MARCHF8: variants seen among roughly 807,000 people sequenced by gnomAD.
MARCHF8 encodes membrane associated ring-CH-type finger 8.
Under a neutral mutation model 51.6 loss-of-function variants are expected in MARCHF8, and 40 were observed. The ratio of observed to expected loss-of-function variants is 0.77; its 90% CI spans 0.60 to 1.01. MARCHF8 has a LOEUF of 1.01. Ranked by LOEUF, MARCHF8 falls within the 50% of genes least tolerant of loss-of-function variation. The pLI is 0.00. For synonymous variants in MARCHF8, 263 were observed against 280.3 expected (o/e 0.94, Z 0.62); for missense variants, 685 against 708.6 (o/e 0.97, Z 0.38).
chr10:45,576,255 A>G (rs2044488130), intron 1 of MARCHF8, among the ~76,000 whole-genome samples: 1 of 152,236 alleles, frequency 6.6e-6, no homozygotes, highest in African/African-American at 2.4e-5. Flanking sequence ...AAGCAATTCA[A>G]TGGGGAATTG....
At chr10:45,467,248 CTCT>C (rs1357441231) in intron 3 of MARCHF8, among the ~76,000 whole-genome samples, 1 of 152,204 alleles carries the variant, frequency 6.6e-6, no homozygotes, top group East Asian at 1.9e-4. Context: ...GAAAGAGTCT[CTCT>C]TCTTATTAGA....
chr10:45,471,955 CA>C (rs2042699417), intron 3 of MARCHF8, among the ~76,000 whole-genome samples: 1 of 152,232 alleles, frequency 6.6e-6, no homozygotes, highest in Non-Finnish European at 1.5e-5. Flanking sequence ...AACCACCGTC[CA>C]CCCACCTGGG....
At chr10:45,565,898 T>A (rs1375134553) in intron 1 of MARCHF8, among the ~76,000 whole-genome samples, 1 of 152,212 alleles carries the variant, frequency 6.6e-6, no homozygotes, top group Admixed American at 6.5e-5. Context: ...CCTCATTTAA[T>A]ATCTATTGTT....
chr10:45,469,615 C>T (rs1843090584), intron 3 of MARCHF8, among the ~76,000 whole-genome samples: 1 of 152,070 alleles, frequency 6.6e-6, no homozygotes, highest in African/African-American at 2.4e-5. Flanking sequence ...CCTGTAATCC[C>T]AGCACTTTGG....
chr10:45,531,302 TA>T (rs2043880826), intron 2 of MARCHF8, among the ~76,000 whole-genome samples: 1 of 152,098 alleles, frequency 6.6e-6, no homozygotes, highest in Non-Finnish European at 1.5e-5. Context: ...AAATATTTTT[TA>T]AATAAAGCTG....
chr10:45,466,649 C>T (rs1479510431), intron 3 of MARCHF8, among the ~76,000 whole-genome samples: 4 of 152,084 alleles, frequency 2.6e-5, no homozygotes, highest in African/African-American at 9.7e-5. Context: ...CCTCTTGGAA[C>T]CACGTGTACT....
intron 1 of MARCHF8, among the ~76,000 whole-genome samples, chr10:45,571,594 C>T (rs551929610): frequency 1.3e-5 from 2 of 152,218 alleles, no homozygotes; most frequent in South Asian, 2.1e-4. Context: ...CTCGGATCGG[C>T]GGACCTCCCT....
intron 3 of MARCHF8, among the ~76,000 whole-genome samples, chr10:45,469,081 C>T (rs1843069364): frequency 6.6e-6 from 1 of 152,038 alleles, no homozygotes; most frequent in Non-Finnish European, 1.5e-5. Context: ...AACACTGTTC[C>T]ATCTACAGAA....
intron 3 of MARCHF8, among the ~76,000 whole-genome samples, chr10:45,471,648 G>A (rs1300003306): frequency 2.0e-5 from 3 of 152,230 alleles, no homozygotes; most frequent in Admixed American, 2.0e-4. Context: ...CTGGGGCAGT[G>A]GCCAAAGCAC....
chr10:45,511,177 G>A (rs1384329777), intron 2 of MARCHF8, among the ~76,000 whole-genome samples: 2 of 152,010 alleles, frequency 1.3e-5, no homozygotes, highest in Non-Finnish European at 2.9e-5. Context: ...TGAAGTAAGG[G>A]TTTGCTAAAA....
At chr10:45,544,632 TAC>T (rs2044097869) in intron 1 of MARCHF8, among the ~76,000 whole-genome samples, 2 of 152,208 alleles carry the variant, frequency 1.3e-5, no homozygotes, top group Non-Finnish European at 2.9e-5. Context: ...CTATATATTA[TAC>T]AATTCCGTTT....
chr10:45,499,095 G>A (rs2043229524), intron 2 of MARCHF8, among the ~76,000 whole-genome samples: 2 of 152,134 alleles, frequency 1.3e-5, no homozygotes, highest in African/African-American at 4.8e-5. Context: ...GTTCCACTTT[G>A]TTCGGATCCT....
intron 2 of MARCHF8, among the ~76,000 whole-genome samples, chr10:45,491,010 C>A (rs2043070891): frequency 6.6e-6 from 1 of 152,180 alleles, no homozygotes; most frequent in South Asian, 2.1e-4. Context: ...TTCAAGTGAT[C>A]CTCCCGCCTC....
intron 1 of MARCHF8, among the ~76,000 whole-genome samples, chr10:45,567,695 T>C (rs1298810297): frequency 6.6e-6 from 1 of 152,222 alleles, no homozygotes; most frequent in Non-Finnish European, 1.5e-5. Context: ...ATCTCCATAG[T>C]ATAATTTGAA....
At chr10:45,553,490 CAAGTT>C (rs2044218171) in intron 1 of MARCHF8, among the ~76,000 whole-genome samples, 1 of 152,178 alleles carries the variant, frequency 6.6e-6, no homozygotes, top group Non-Finnish European at 1.5e-5. Flanking sequence ...TTCCTGAAGT[CAAGTT>C]GTTTTATTTA....
chr10:45,531,553 G>A (rs191350715), intron 2 of MARCHF8, among the ~76,000 whole-genome samples: 68 of 152,200 alleles, frequency 4.5e-4, no homozygotes, highest in Admixed American at 3.9e-3. Context: ...GTATACTATT[G>A]TAAGGTTCTC....
intron 1 of MARCHF8, among the ~76,000 whole-genome samples, chr10:45,561,330 A>T (rs1184345367): frequency 6.7e-6 from 1 of 149,740 alleles, no homozygotes; most frequent in Admixed American, 6.6e-5. Flanking sequence ...GCTGGAGTGC[A>T]GTGGCATGAT....
At chr10:45,592,868 T>C (rs2044697173) in intron 1 of MARCHF8, among the ~76,000 whole-genome samples, 1 of 152,242 alleles carries the variant, frequency 6.6e-6, no homozygotes, top group South Asian at 2.1e-4. Context: ...TTTTTTTTAG[T>C]ACAAGTATGC....
chr10:45,490,417 C>T lies in MARCHF8; in HGVS notation c.103-1000G>A, dbSNP rs180672232. 3.3e-5 allele frequency among the ~76,000 whole-genome samples: 5 copies of T among 152,244 alleles called. No individual in the cohort carries two copies. The East Asian group carries it at 9.7e-4, about 29-fold the overall frequency. The stretch of plus-strand genomic sequence containing the variant: ...GAGGAGTTTGTGACACAGACACACA[C>T]AGATAAAAGACAATGTGAACACAGA... On this transcript the variant is annotated intron_variant, in intron 2 of 7. Coordinates refer to ENST00000453424, the MANE Select transcript of MARCHF8 (RefSeq NM_001282866.2).
Sources: gnomAD v4.1 joint callset for allele counts (sites outside exome capture counted in the v4.1 genomes callset) on GRCh38, gnomAD v4.1.1 for gene constraint, MANE v1.5 for transcripts, NCBI Gene and HGNC (gene_info 2026-07-23, HGNC 2026-07-21) for gene names.